The following ADAMTS19 variants were observed in gnomAD, a reference collection of about 807,000 sequenced individuals.
The protein encoded by ADAMTS19 is ADAM metallopeptidase with thrombospondin type 1 motif 19.
In ADAMTS19, 93 loss-of-function variants were observed where a neutral mutation model predicts 153.3. That is an observed-to-expected ratio of 0.61 (90% CI 0.51 to 0.72). The LOEUF is 0.72. ADAMTS19 is among the 30% of genes least tolerant of loss of function. The probability of loss-of-function intolerance (pLI) is 0.00; values close to 1 mark genes in which losing one functional copy is unlikely to be tolerated. For missense variants in ADAMTS19, 1,482 were observed against 1,552.1 expected (o/e 0.95, Z 0.76); for synonymous variants, 600 against 556.6 (o/e 1.08, Z -1.10).
chr5:129,654,833 C>T (rs1278964440), intron 14 of ADAMTS19, among the ~76,000 whole-genome samples: 1 of 152,112 alleles, frequency 6.6e-6, no homozygotes, highest in African/African-American at 2.4e-5. Context: ...GACCTTATAA[C>T]TCATATTCAA....
At chr5:129,719,241 G>A (rs138035818) in intron 21 of ADAMTS19, among the ~76,000 whole-genome samples, 1,952 of 152,230 alleles carry the variant, frequency 0.013, 35 homozygotes, top group African/African-American at 0.043. Context: ...TTTACAGCTT[G>A]AAGAGTTTTA....
intron 8 of ADAMTS19, among the ~76,000 whole-genome samples, chr5:129,605,523 T>C (rs1025601921): frequency 6.6e-6 from 1 of 152,220 alleles, no homozygotes; most frequent in African/African-American, 2.4e-5. Context: ...GCCTTTCTGA[T>C]AACATTTCTT....
At chr5:129,665,267 T>C (rs1481323774) in intron 15 of ADAMTS19, among the ~76,000 whole-genome samples, 1 of 152,048 alleles carries the variant, frequency 6.6e-6, no homozygotes, top group Non-Finnish European at 1.5e-5. Flanking sequence ...TTGTTTGTTT[T>C]ACATAAAATA....
At chr5:129,648,137 A>C (rs1753150408) in intron 12 of ADAMTS19, among the ~76,000 whole-genome samples, 1 of 152,216 alleles carries the variant, frequency 6.6e-6, no homozygotes, top group South Asian at 2.1e-4. Context: ...TAAATCTATA[A>C]AATATTTCAA....
At chr5:129,545,162 A>T (rs753207811) in intron 6 of ADAMTS19, among the ~76,000 whole-genome samples, 1 of 152,020 alleles carries the variant, frequency 6.6e-6, no homozygotes, top group Non-Finnish European at 1.5e-5. Flanking sequence ...TAAAAAAAAT[A>T]AAAAATTTCA....
At chr5:129,563,665 T>G (rs1753601766) in intron 7 of ADAMTS19, among the ~76,000 whole-genome samples, 1 of 152,194 alleles carries the variant, frequency 6.6e-6, no homozygotes, top group Non-Finnish European at 1.5e-5. Flanking sequence ...TTTGAAAAAT[T>G]TTTGAATATT....
intron 18 of ADAMTS19, among the ~76,000 whole-genome samples, chr5:129,688,928 A>C (rs1322648483): frequency 6.6e-6 from 1 of 152,164 alleles, no homozygotes; most frequent in African/African-American, 2.4e-5. Flanking sequence ...GTTTGCTACA[A>C]GGTTCCTTTT....
intron 16 of ADAMTS19, among the ~76,000 whole-genome samples, chr5:129,676,269 G>A (rs535352185): frequency 9.8e-5 from 15 of 152,288 alleles, no homozygotes; most frequent in African/African-American, 3.6e-4. Context: ...TTGCTGGACA[G>A]TTAACTTACT....
Position 129,679,874 on chromosome 5 carries a change from G to A in ADAMTS19, c.2617G>A (p.Glu873Lys). The A allele has an allele frequency of 1.2e-6, 2 of 1,614,050 alleles. No individual in the cohort carries two copies. Among genetic ancestry groups the A allele is most frequent in the Non-Finnish European group, 1.7e-6 (2 of 1,179,986 alleles). Residue 873 changes from glutamate to lysine, a missense_variant, in exon 17 of 23, where the codon GAG becomes AAG. Coordinates refer to ENST00000274487, the MANE Select transcript of ADAMTS19 (RefSeq NM_133638.6). The part of the protein sequence containing the change: ...TVHYVRRGLW[E>K]KISAKGPTTA... ...TCATTATGTAAGACGAGGCCTCTGG[G>A]AGAAGATCTCTGCCAAAGGTCCTAC...
intron 10 of ADAMTS19, among the ~76,000 whole-genome samples, chr5:129,638,928 A>T (rs916095725): frequency 6.6e-6 from 1 of 152,228 alleles, no homozygotes; most frequent in Admixed American, 6.5e-5. Context: ...TTCAATACAT[A>T]GTACATTTAT....
At chr5:129,699,422 CAA>C (rs536240544) in intron 19 of ADAMTS19, among the ~76,000 whole-genome samples, 5,009 of 80,532 alleles carry the variant, frequency 0.062, 209 homozygotes, top group African/African-American at 0.18. Flanking sequence ...GACTTCATCT[CAA>C]AAAAAAAAAA....
chr5:129,534,509 T>A (rs1353224610), intron 6 of ADAMTS19, among the ~76,000 whole-genome samples: 3 of 152,278 alleles, frequency 2.0e-5, no homozygotes, highest in Admixed American at 6.5e-5. Context: ...GAGGAGCTGG[T>A]ACCATTCCTT....
Position 129,737,186 on chromosome 5 carries a change from T to G in ADAMTS19, c.3610T>G (p.Phe1204Val). ...YQRCCETCRD[F>V]YAQKLQQKS ...GCGCTGCTGTGAAACATGCAGGGAC[T>G]TCTATGCCCAAAAGCTGCAGCAGAA... Residue 1204 changes from phenylalanine to valine, a missense_variant, in exon 23 of 23, where the codon TTC becomes GTC. Around this residue, in one of 2 missense-constraint regions of ADAMTS19, gnomAD observed 616 missense variants for 724.4 expected, o/e 0.85. Transcript: ENST00000274487. 6.2e-7 allele frequency: 1 copy of G among 1,607,936 alleles called. No homozygotes were observed. Among genetic ancestry groups the G allele is most frequent in the Non-Finnish European group, 8.5e-7 (1 of 1,176,062 alleles).
intron 7 of ADAMTS19, among the ~76,000 whole-genome samples, chr5:129,555,286 G>A (rs952937472): frequency 6.6e-6 from 1 of 152,052 alleles, no homozygotes; most frequent in Non-Finnish European, 1.5e-5. Flanking sequence ...ATTAATGTGA[G>A]TTATAAATGG....
chr5:129,550,024 A>ATATG (rs71654960), intron 6 of ADAMTS19, among the ~76,000 whole-genome samples: 5 of 127,470 alleles, frequency 3.9e-5, no homozygotes, highest in East Asian at 2.8e-4. Context: ...ATGTATATGT[A>ATATG]TATCTAGATA....
At chr5:129,671,781 C>A (rs1281726878) in intron 16 of ADAMTS19, among the ~76,000 whole-genome samples, 1 of 151,994 alleles carries the variant, frequency 6.6e-6, no homozygotes, top group African/African-American at 2.4e-5. Flanking sequence ...TTCAGATAGA[C>A]CTATGTTATA....
intron 10 of ADAMTS19, among the ~76,000 whole-genome samples, chr5:129,634,970 C>G (rs1752470221): frequency 6.6e-6 from 1 of 151,978 alleles, no homozygotes; most frequent in Admixed American, 6.6e-5. Context: ...CAAGTTTCCA[C>G]CAAGAGTGGA....
intron 16 of ADAMTS19, among the ~76,000 whole-genome samples, chr5:129,667,471 G>T (rs1339048708): frequency 6.6e-6 from 1 of 152,126 alleles, no homozygotes; most frequent in East Asian, 1.9e-4. Flanking sequence ...GGGGCCTGGT[G>T]GGAGGTGATT....
intron 21 of ADAMTS19, among the ~76,000 whole-genome samples, chr5:129,729,069 A>G (rs187262556): frequency 5.9e-5 from 9 of 152,200 alleles, no homozygotes; most frequent in African/African-American, 1.9e-4. Flanking sequence ...TTTTAATAAT[A>G]AATTATTTGG....
Sources: gnomAD v4.1 joint callset for allele counts (sites outside exome capture counted in the v4.1 genomes callset) on GRCh38, gnomAD v4.1.1 for gene constraint, gnomAD v4.1.1 regional missense constraint, MANE v1.5 for transcripts, NCBI Gene and HGNC (gene_info 2026-07-23, HGNC 2026-07-21) for gene names.